Variants in PRKACB observed in about 807,000 individuals in gnomAD.
PRKACB encodes the protein protein kinase cAMP-activated catalytic subunit beta.
PRKACB carries 16 observed loss-of-function variants against 51.4 expected under a neutral mutation model. The observed-to-expected ratio is 0.31, with a 90% CI of 0.21 to 0.47. The LOEUF (loss-of-function observed/expected upper bound fraction) is 0.47, where lower values mean the gene tolerates loss of function less well. Ranked by LOEUF, PRKACB falls within the 20% of genes least tolerant of loss-of-function variation. PRKACB has a pLI of 1.00. For synonymous variants in PRKACB, 147 were observed against 154.4 expected (o/e 0.95, Z 0.35); for missense variants, 309 against 464.5 (o/e 0.67, Z 3.08).
chr1:84,143,539 A>G (rs1262057684), upstream of PRKACB, among the ~76,000 whole-genome samples: 2 of 152,198 alleles, frequency 1.3e-5, no homozygotes, highest in Non-Finnish European at 2.9e-5. Flanking sequence ...TTTAAAATTA[A>G]CATGTCTCAG....
intron 8 of PRKACB, chr1:84,204,585 G>A (rs2101480289): frequency 2.1e-6 from 3 of 1,429,154 alleles, no homozygotes; most frequent in East Asian, 2.5e-5. Context: ...GAGGACTAAA[G>A]GTCATATGAA....
intron 8 of PRKACB, 47 bp downstream of exon 8, chr1:84,202,852 T>A (rs1231321272): frequency 2.0e-6 from 3 of 1,465,600 alleles, no homozygotes; most frequent in Non-Finnish European, 2.8e-6. Flanking sequence ...GTATATGAAT[T>A]TTAAGCTTCA....
intron 1 of PRKACB, among the ~76,000 whole-genome samples, chr1:84,165,202 G>A (rs2642182): frequency 0.18 from 26,857 of 151,628 alleles, 2,660 homozygotes; most frequent in South Asian, 0.25. Context: ...ACAATTAATG[G>A]CACTATTAAT....
intron 1 of PRKACB, among the ~76,000 whole-genome samples, chr1:84,147,662 A>C (rs1402928679): frequency 6.6e-6 from 1 of 152,036 alleles, no homozygotes; most frequent in Non-Finnish European, 1.5e-5. Context: ...GTGGAAGCTA[A>C]GTGTAAGAAA....
At chr1:84,184,289 T>A (rs1664458289) in intron 4 of PRKACB, among the ~76,000 whole-genome samples, 154 bp downstream of exon 4, 1 of 151,884 alleles carries the variant, frequency 6.6e-6, no homozygotes, top group Non-Finnish European at 1.5e-5. Flanking sequence ...CCTATTGTGC[T>A]TATAACTTAG....
chr1:84,149,868 C>A (rs757200582), intron 1 of PRKACB, among the ~76,000 whole-genome samples: 30 of 151,972 alleles, frequency 2.0e-4, no homozygotes, highest in Non-Finnish European at 2.8e-4. Flanking sequence ...ACATGCATAT[C>A]TTTTTGGAGT....
At chr1:84,234,733 T>C (rs934804596) in intron 9 of PRKACB, among the ~76,000 whole-genome samples, 5 of 152,082 alleles carry the variant, frequency 3.3e-5, no homozygotes, top group African/African-American at 1.2e-4. Context: ...CCTGACCCCT[T>C]GCGCTTCCTG....
chr1:84,099,837 T>A (rs1281833438), intron 1 of PRKACB, among the ~76,000 whole-genome samples: 1 of 152,210 alleles, frequency 6.6e-6, no homozygotes, highest in Non-Finnish European at 1.5e-5. Context: ...ACCGAGAAGA[T>A]GCTCAATAAA....
At chr1:84,155,952 C>A (rs1019820197) in intron 1 of PRKACB, among the ~76,000 whole-genome samples, 1 of 152,076 alleles carries the variant, frequency 6.6e-6, no homozygotes, top group Non-Finnish European at 1.5e-5. Flanking sequence ...TCCAAGGAGA[C>A]TAATTTGCTC....
intron 1 of PRKACB, among the ~76,000 whole-genome samples, chr1:84,082,424 C>T (rs1647610954): frequency 6.6e-6 from 1 of 152,046 alleles, no homozygotes; most frequent in Admixed American, 6.5e-5. Flanking sequence ...TTTTCAGATT[C>T]AATATAGTAG....
intron 1 of PRKACB, among the ~76,000 whole-genome samples, chr1:84,116,242 T>C (rs1650628523): frequency 6.6e-6 from 1 of 152,212 alleles, no homozygotes; most frequent in African/African-American, 2.4e-5. Context: ...TTTGGGTTAT[T>C]ATAGCCTTCT....
chr1:84,211,119 C>G (rs376592837), intron 8 of PRKACB, among the ~76,000 whole-genome samples: 2,570 of 86,054 alleles, frequency 0.03, 77 homozygotes, highest in African/African-American at 0.094. Flanking sequence ...CCCACCACCA[C>G]TCCACTGTCA....
intron 2 of PRKACB, 147 bp from the exon 3 acceptor site, chr1:84,182,053 C>A: frequency 1.6e-6 from 1 of 608,756 alleles, no homozygotes; most frequent in Non-Finnish European, 2.5e-6. Context: ...AACCAATAAA[C>A]TGGAATCTCA....
At chr1:84,215,698 G>T (rs1672781975) in intron 9 of PRKACB, among the ~76,000 whole-genome samples, 1 of 152,122 alleles carries the variant, frequency 6.6e-6, no homozygotes, top group Non-Finnish European at 1.5e-5. Flanking sequence ...TATGACAGTT[G>T]TGGTAACAGT....
At chr1:84,112,516 C>T (rs1366784941) in intron 1 of PRKACB, among the ~76,000 whole-genome samples, 2 of 152,064 alleles carry the variant, frequency 1.3e-5, no homozygotes, top group African/African-American at 2.4e-5. Flanking sequence ...GGATTACAGG[C>T]GTGAGCCAAC....
At chr1:84,157,102 G>C (rs1345495227) in intron 1 of PRKACB, among the ~76,000 whole-genome samples, 7 of 152,110 alleles carry the variant, frequency 4.6e-5, no homozygotes, top group African/African-American at 1.7e-4. Context: ...TCTGAACCTT[G>C]AGGAGGATGG....
At chr1:84,127,979 G>A (rs1254830389) in intron 1 of PRKACB, among the ~76,000 whole-genome samples, 1 of 139,696 alleles carries the variant, frequency 7.2e-6, no homozygotes, top group South Asian at 2.4e-4. Context: ...TCTATTCTTT[G>A]TTAGAATTAT....
In PRKACB at chr1:84,094,249, T is replaced by G. The variant is rs143468387; in HGVS notation, c.46+15878T>G. On this transcript the variant is annotated intron_variant, in intron 1 of 8. Transcript: ENST00000370688. ...ATCCTGTTATCTGTTTAAGGAAGGT[T>G]TCTTCTATTCCTGGTTTGCTAATTA... 3.2e-3 allele frequency among the ~76,000 whole-genome samples: 487 copies of G among 152,102 alleles called. 5 individuals carry two copies. Among genetic ancestry groups the G allele is most frequent in the African/African-American group, 0.011 (465 of 41,552 alleles).
chr1:84,173,172 G>A (rs774405235), intron 1 of PRKACB, among the ~76,000 whole-genome samples: 4 of 151,568 alleles, frequency 2.6e-5, no homozygotes, highest in Non-Finnish European at 5.9e-5. Flanking sequence ...AGAATTTCTT[G>A]TAATCCTTAT....
Sources: allele counts gnomAD v4.1 joint callset (sites outside exome capture counted in the v4.1 genomes callset), GRCh38; gene constraint gnomAD v4.1.1; transcripts MANE v1.5; gene names NCBI Gene and HGNC (gene_info 2026-07-23, HGNC 2026-07-21).